NDUFAF2: variants seen among roughly 807,000 people sequenced by gnomAD.
The protein encoded by NDUFAF2 is NADH:ubiquinone oxidoreductase complex assembly factor 2.
In NDUFAF2, 13 loss-of-function variants were observed where a neutral mutation model predicts 22.8. The observed-to-expected ratio is 0.57, with a 90% CI of 0.37 to 0.91. The LOEUF is 0.91. Ranked by LOEUF, NDUFAF2 falls within the 40% of genes least tolerant of loss-of-function variation. The pLI, the probability that NDUFAF2 is intolerant of heterozygous loss-of-function variation, is 0.01. For missense variants in NDUFAF2, 162 were observed against 195.2 expected, an observed-to-expected ratio of 0.83 and a Z score of 1.01; for synonymous variants, 53 against 64.2, an observed-to-expected ratio of 0.83 and a Z score of 0.84.
At chr5:60,982,325 A>G (rs2112579342) in intron 1 of NDUFAF2, among the ~76,000 whole-genome samples, 2 of 152,258 alleles carry the variant, frequency 1.3e-5, no homozygotes, top group Admixed American at 1.3e-4. Context: ...GGAGCAAGTC[A>G]TATCTTACAT....
chr5:61,005,386 C>T (rs554729685), intron 1 of NDUFAF2, among the ~76,000 whole-genome samples: 35 of 152,158 alleles, frequency 2.3e-4, no homozygotes, highest in Middle Eastern at 3.4e-3. Context: ...TGAATGGTGC[C>T]GCAGTAAACA....
intron 1 of NDUFAF2, among the ~76,000 whole-genome samples, chr5:61,008,515 A>G (rs1751402358): frequency 6.6e-6 from 1 of 152,100 alleles, no homozygotes; most frequent in Non-Finnish European, 1.5e-5. Context: ...GTTCAAAACA[A>G]TCTCAAGGTC....
chr5:61,065,322 G>A (rs934721090), intron 1 of NDUFAF2, among the ~76,000 whole-genome samples: 2 of 152,020 alleles, frequency 1.3e-5, no homozygotes, highest in Non-Finnish European at 2.9e-5. Context: ...GAAAAATAGA[G>A]CTTCAGAGAA....
At chr5:60,970,360 G>A (rs1750810958) in intron 1 of NDUFAF2, among the ~76,000 whole-genome samples, 1 of 152,064 alleles carries the variant, frequency 6.6e-6, no homozygotes. Flanking sequence ...CTATGAACAT[G>A]GAATATCATT....
At chr5:61,006,134 G>A (rs1474163440) in intron 1 of NDUFAF2, among the ~76,000 whole-genome samples, 1 of 152,142 alleles carries the variant, frequency 6.6e-6, no homozygotes, top group Non-Finnish European at 1.5e-5. Context: ...TGTAAGGAAG[G>A]AATCCAGTTT....
chr5:61,099,828 T>G (rs2111768489), intron 3 of NDUFAF2, among the ~76,000 whole-genome samples: 1 of 152,258 alleles, frequency 6.6e-6, no homozygotes, highest in South Asian at 2.1e-4. Flanking sequence ...TGTTGCCTAT[T>G]CTGTCACTAC....
intron 1 of NDUFAF2, among the ~76,000 whole-genome samples, chr5:61,035,422 C>CTTTTTTTTTT (rs1177405606): frequency 1.6e-5 from 1 of 62,556 alleles, no homozygotes; most frequent in African/African-American, 8.5e-5. Flanking sequence ...CTCTCTTGCT[C>CTTTTTTTTTT]TGTTTTTTTT....
intron 1 of NDUFAF2, among the ~76,000 whole-genome samples, chr5:61,055,635 T>G (rs1416126523): frequency 6.6e-6 from 1 of 152,170 alleles, no homozygotes; most frequent in Non-Finnish European, 1.5e-5. Context: ...ATAGTTAGGT[T>G]GTTCTGCAGC....
chr5:60,964,848 C>A (rs577308062), intron 1 of NDUFAF2, among the ~76,000 whole-genome samples: 3 of 152,286 alleles, frequency 2.0e-5, no homozygotes, highest in African/African-American at 7.2e-5. Context: ...CAACATTTCC[C>A]CAATACCTAC....
chr5:60,972,316 T>C (rs1359066602), intron 1 of NDUFAF2, among the ~76,000 whole-genome samples: 1 of 152,012 alleles, frequency 6.6e-6, no homozygotes, highest in Non-Finnish European at 1.5e-5. Flanking sequence ...CACCTTTAGT[T>C]GTAATCTCTA....
At chr5:61,038,877 T>G (rs1751835814) in intron 1 of NDUFAF2, among the ~76,000 whole-genome samples, 1 of 152,106 alleles carries the variant, frequency 6.6e-6, no homozygotes, top group African/African-American at 2.4e-5. Flanking sequence ...TTTTATATGC[T>G]TGCTGTCATT....
intron 3 of NDUFAF2, chr5:61,115,486 G>A (rs1357010321): frequency 6.6e-6 from 1 of 152,202 alleles, no homozygotes; most frequent in African/African-American, 2.4e-5. Flanking sequence ...TTTCAATTTG[G>A]TGTTCCTGCA....
At chr5:61,025,261 T>A (rs1751635582) in intron 1 of NDUFAF2, among the ~76,000 whole-genome samples, 1 of 152,234 alleles carries the variant, frequency 6.6e-6, no homozygotes, top group South Asian at 2.1e-4. Flanking sequence ...AATATATATT[T>A]ATTGAATGAA....
At chr5:60,975,661 A>G (rs1490651569) in intron 1 of NDUFAF2, among the ~76,000 whole-genome samples, 1 of 152,178 alleles carries the variant, frequency 6.6e-6, no homozygotes, top group Admixed American at 6.5e-5. Context: ...TTGGTTTGGG[A>G]TATGAGAAGG....
chr5:60,978,128 G>T (rs1309994985), intron 1 of NDUFAF2, among the ~76,000 whole-genome samples: 1 of 152,124 alleles, frequency 6.6e-6, no homozygotes, highest in Non-Finnish European at 1.5e-5. Flanking sequence ...AGAACTCAGT[G>T]CCCTGTCACA....
intron 1 of NDUFAF2, 186 bp downstream of exon 1, chr5:60,945,568 G>C (rs1460675239): frequency 3.3e-6 from 3 of 897,672 alleles, no homozygotes; most frequent in Non-Finnish European, 5.2e-6. Flanking sequence ...TACCCGGCCC[G>C]GCTCTGGGCG....
intron 1 of NDUFAF2, among the ~76,000 whole-genome samples, chr5:60,995,567 A>G (rs1230120098): frequency 2.0e-5 from 3 of 152,240 alleles, no homozygotes; most frequent in African/African-American, 4.8e-5. Context: ...ATCTAAAGCC[A>G]GGGGTGAAGT....
chr5:61,040,762 TAGAG>T (rs141228512), intron 1 of NDUFAF2, among the ~76,000 whole-genome samples: 2 of 152,120 alleles, frequency 1.3e-5, no homozygotes, highest in South Asian at 2.1e-4. Flanking sequence ...GTATGCATAT[TAGAG>T]AGAGACTGGA....
chr5:61,110,223 T>C (rs1752821115), intron 3 of NDUFAF2, among the ~76,000 whole-genome samples: 1 of 152,122 alleles, frequency 6.6e-6, no homozygotes, highest in South Asian at 2.1e-4. Flanking sequence ...GATTTTTGCA[T>C]CAGTGTTCAT....
Sources: allele counts gnomAD v4.1 joint callset (sites outside exome capture counted in the v4.1 genomes callset), GRCh38; gene constraint gnomAD v4.1.1; transcripts MANE v1.5; gene names NCBI Gene and HGNC (gene_info 2026-07-23, HGNC 2026-07-21).